SLC13A5: variants seen among roughly 807,000 people sequenced by gnomAD.
The protein encoded by SLC13A5 is solute carrier family 13 member 5, also known as Na(+)/citrate cotransporter.
A neutral mutation model predicts 56.5 loss-of-function variants in SLC13A5; 25 were observed. The ratio of observed to expected loss-of-function variants is 0.44; its 90% CI spans 0.32 to 0.62. The LOEUF (loss-of-function observed/expected upper bound fraction) is 0.62, where lower values mean the gene tolerates loss of function less well. Ranked by LOEUF, SLC13A5 falls within the 20% of genes least tolerant of loss-of-function variation. The probability of loss-of-function intolerance (pLI) is 0.04; values close to 1 mark genes in which losing one functional copy is unlikely to be tolerated. For synonymous variants in SLC13A5, 307 were observed against 301.5 expected (o/e 1.02, Z -0.19); for missense variants, 649 against 737.8 (o/e 0.88, Z 1.39).
intron 4 of SLC13A5, among the ~76,000 whole-genome samples, 175 bp from the exon 5 acceptor site, chr17:6,703,313 G>A (rs765516586): frequency 6.6e-6 from 1 of 152,232 alleles, no homozygotes; most frequent in Non-Finnish European, 1.5e-5. Context: ...CTCTCTGTAA[G>A]CCCCAGGACC....
intron 6 of SLC13A5, among the ~76,000 whole-genome samples, chr17:6,699,993 C>T (rs2151491163): frequency 6.6e-6 from 1 of 152,278 alleles, no homozygotes; most frequent in East Asian, 1.9e-4. Context: ...CCCACAAAAT[C>T]ACAGGTTTCC....
intron 9 of SLC13A5, among the ~76,000 whole-genome samples, chr17:6,691,948 C>T (rs1208570603): frequency 6.6e-6 from 1 of 152,200 alleles, no homozygotes; most frequent in African/African-American, 2.4e-5. Context: ...CAGCTAAATA[C>T]CTCACATTTT....
intron 3 of SLC13A5, 29 bp from the exon 4 acceptor site, chr17:6,704,085 A>G (rs1267016196): frequency 1.3e-6 from 2 of 1,594,640 alleles, no homozygotes; most frequent in South Asian, 2.2e-5. Context: ...GAGGAAAGCC[A>G]GAGAATCCCC....
intron 6 of SLC13A5, among the ~76,000 whole-genome samples, chr17:6,698,280 C>T (rs1973613067): frequency 6.6e-6 from 1 of 151,948 alleles, no homozygotes; most frequent in Admixed American, 6.6e-5. Flanking sequence ...GCTGCAGACA[C>T]TCTCAGGCTC....
rs538980801 is a variant in SLC13A5 at position 6,686,201 on chromosome 17, C to G, written c.*6G>C. Reference sequence around the variant, plus strand: ...AAGGGCTGTGTGTGTGGTCTTGTGGCTCTTCCTAAGTCTCAATATGTGTCA... The same window carrying G: ...AAGGGCTGTGTGTGTGGTCTTGTGGGTCTTCCTAAGTCTCAATATGTGTCA... On this transcript the variant is annotated 3_prime_UTR_variant, in exon 12 of 12. Transcript: ENST00000433363. The G allele has an allele frequency of 1.1e-5, 17 of 1,614,112 alleles. No individual in the cohort carries two copies. The South Asian group carries it at 1.9e-4, about 18-fold the overall frequency.
At chr17:6,693,315 A>G (rs147653004) in intron 8 of SLC13A5, 153 bp from the exon 9 acceptor site, 1 of 586,524 alleles carries the variant, frequency 1.7e-6, no homozygotes, top group Non-Finnish European at 3.0e-6. Flanking sequence ...CCTACTTATA[A>G]ATTAGCTAAA....
intron 9 of SLC13A5, among the ~76,000 whole-genome samples, chr17:6,691,311 C>T (rs1973400801): frequency 6.6e-6 from 1 of 152,204 alleles, no homozygotes; most frequent in Non-Finnish European, 1.5e-5. Flanking sequence ...CCATCCAGCC[C>T]AGCAGGCTGG....
In SLC13A5 at chr17:6,703,040, C is replaced by T. The variant is rs1275203185; in HGVS notation, c.646G>A (p.Ala216Thr). The change falls in exon 5 of 12, where the codon GCC becomes ACC. Residue 216 changes from alanine (A) to threonine (T), a missense_variant. Ala to Thr is a moderately conservative substitution (Grantham distance 58). Transcript: ENST00000433363. ...KAMTLCICYA[A>T]SIGGTATLTG... ...AGGGTGGCGGTGCCCCCGATGCTGGCCGCGTAGCAGATGCACAGGGTCATG... is the reference window on the plus strand; with the variant it reads ...AGGGTGGCGGTGCCCCCGATGCTGGTCGCGTAGCAGATGCACAGGGTCATG... 1.9e-6 allele frequency: 3 copies of T among 1,614,214 alleles called. No homozygotes were observed. Among genetic ancestry groups the T allele is most frequent in the Admixed American group, 3.3e-5 (2 of 60,036 alleles).
chr17:6,703,767 A>C (rs1369963533), intron 4 of SLC13A5, 111 bp downstream of exon 4: 1 of 1,200,010 alleles, frequency 8.3e-7, no homozygotes. Context: ...TGCGTGTTTA[A>C]AGGAGGGCTC....
At chr17:6,697,865 C>T (rs1352654815) in intron 6 of SLC13A5, among the ~76,000 whole-genome samples, 1 of 152,182 alleles carries the variant, frequency 6.6e-6, no homozygotes, top group South Asian at 2.1e-4. Context: ...GATAGTTGTT[C>T]TGGATTAGGC....
At chr17:6,693,268 G>T in intron 8 of SLC13A5, 106 bp from the exon 9 acceptor site, 1 of 738,510 alleles carries the variant, frequency 1.4e-6, no homozygotes, top group Non-Finnish European at 2.1e-6. Flanking sequence ...TCTAATCAAG[G>T]GGGAATAAAG....
At chr17:6,704,583 T>A (rs1973815482) in intron 3 of SLC13A5, 1 of 253,566 alleles carries the variant, frequency 3.9e-6, no homozygotes, top group African/African-American at 2.2e-5. Flanking sequence ...CTTGGGAAAG[T>A]GTGACTATTC....
intron 9 of SLC13A5, among the ~76,000 whole-genome samples, chr17:6,691,866 C>T (rs1193137535): frequency 6.6e-6 from 1 of 152,170 alleles, no homozygotes; most frequent in Non-Finnish European, 1.5e-5. Context: ...ATCAAGTCCA[C>T]ACCCCTCTAT....
In SLC13A5 at chr17:6,685,072, G is replaced by A. The variant is rs1973203468; in HGVS notation, c.*1135C>T. On this transcript the variant is annotated 3_prime_UTR_variant, in exon 12 of 12. Coordinates refer to ENST00000433363, the MANE Select transcript of SLC13A5 (RefSeq NM_177550.5). The surrounding 1 kb of genome is among the most constrained non-coding windows in gnomAD (Gnocchi z 4.2). Reference sequence around the variant, plus strand: ...CAAGTAGATTGGCCCACGGGCAGGGGTTGTTTGCTGAGAGATCACCAAGCG... The same window carrying A: ...CAAGTAGATTGGCCCACGGGCAGGGATTGTTTGCTGAGAGATCACCAAGCG... 1 of 152,214 alleles carries A rather than the reference G, an allele frequency of 6.6e-6. No homozygotes were observed. Among genetic ancestry groups the A allele is most frequent in the Admixed American group, 6.5e-5 (1 of 15,288 alleles). The allele number at this position is 152,214 out of a possible 1,614,324, so 9.4% of individuals were successfully genotyped here. A position where few individuals can be genotyped will look rare whatever the true frequency, so the allele number is the denominator to read the frequency against.
At chr17:6,691,244 G>T (rs753232954) in intron 9 of SLC13A5, among the ~76,000 whole-genome samples, 1 of 152,188 alleles carries the variant, frequency 6.6e-6, no homozygotes, top group Non-Finnish European at 1.5e-5. Flanking sequence ...CCATAGCCCA[G>T]AATCTGCTTC....
intron 1 of SLC13A5, among the ~76,000 whole-genome samples, chr17:6,709,981 A>G (rs1364038027): frequency 6.6e-6 from 1 of 152,204 alleles, no homozygotes; most frequent in Non-Finnish European, 1.5e-5. Flanking sequence ...TACTTTGCCA[A>G]AGTTCCCCTG....
chr17:6,687,433 T>G lies in SLC13A5; in HGVS notation c.1575+96A>C. On this transcript the variant is annotated intron_variant, in intron 11 of 11. Transcript: ENST00000433363. This position sits in a 1 kb window ranked among gnomAD's most constrained non-coding sequence, Gnocchi z 5.0. ...TGTTCCGTGGCATTCCCAAGTCACA[T>G]GACATCGTTTTGAAACTCTGTCATT... The G allele has an allele frequency of 6.4e-7, 1 of 1,553,660 alleles. No homozygotes were observed. The highest frequency in any genetic ancestry group is 8.8e-7 in the Non-Finnish European group (1 of 1,136,870).
chr17:6,695,891 G>C lies in SLC13A5; in HGVS notation c.890C>G (p.Ala297Gly). ...CGLESKKNEKAALKVLQEEYR... is the reference protein window; with the variant it reads ...CGLESKKNEKGALKVLQEEYR... ...CTCCTCCTGCAGCACCTTGAGGGCA[G>C]CCTTCTCGTTTTTCTTGCTCTCTAG... The change falls in exon 7 of 12, where the codon GCT becomes GGT. Residue 297 changes from alanine (A) to glycine (G), a missense_variant. Transcript: ENST00000433363. 6.2e-7 allele frequency: 1 copy of C among 1,614,112 alleles called. No individual in the cohort carries two copies. The highest frequency in any genetic ancestry group is 8.5e-7 in the Non-Finnish European group (1 of 1,180,022).
At chr17:6,706,403 T>A (rs930339498) in intron 3 of SLC13A5, among the ~76,000 whole-genome samples, 1 of 152,204 alleles carries the variant, frequency 6.6e-6, no homozygotes, top group African/African-American at 2.4e-5. Flanking sequence ...GCAAGGACTC[T>A]TGCTGACCCA....
Sources: allele counts gnomAD v4.1 joint callset (sites outside exome capture counted in the v4.1 genomes callset), GRCh38; gene constraint gnomAD v4.1.1; non-coding constraint Gnocchi (gnomAD v3.1); transcripts MANE v1.5; gene names NCBI Gene and HGNC (gene_info 2026-07-23, HGNC 2026-07-21).